The following UGT1A7 variants were observed in gnomAD, a reference collection of about 807,000 sequenced individuals.
UGT1A7 encodes the protein UDP glucuronosyltransferase family 1 member A7.
UGT1A7 carries 33 observed loss-of-function variants against 45.6 expected under a neutral mutation model. That is an observed-to-expected ratio of 0.72 (90% confidence interval 0.55 to 0.97). The LOEUF (loss-of-function observed/expected upper bound fraction) is 0.97. Among genes scored for constraint, UGT1A7 ranks in the 50% least tolerant of loss-of-function variants. UGT1A7 has a pLI of 0.00. For synonymous variants in UGT1A7, 274 were observed against 250.6 expected (o/e 1.09, Z -0.88); for missense variants, 684 against 666.2 (o/e 1.03, Z -0.29).
intron 1 of UGT1A7, among the ~76,000 whole-genome samples, chr2:233,714,482 T>C (rs1196810093): frequency 6.6e-6 from 1 of 152,180 alleles, no homozygotes; most frequent in African/African-American, 2.4e-5. Flanking sequence ...AGAATGTTTC[T>C]TGTGAAGACA....
At chr2:233,689,448 G>A (rs2074943305) in intron 1 of UGT1A7, among the ~76,000 whole-genome samples, 1 of 152,146 alleles carries the variant, frequency 6.6e-6, no homozygotes, top group Non-Finnish European at 1.5e-5. Context: ...TAAGAGCAAG[G>A]ATACATTTTA....
Position 233,724,752 on chromosome 2 carries a change from C to T in UGT1A7, c.855+41960C>T, listed in dbSNP as rs545669110. On this transcript the variant is annotated intron_variant, in intron 1 of 4. Coordinates refer to ENST00000373426, the MANE Select transcript of UGT1A7 (RefSeq NM_019077.3). The stretch of plus-strand genomic sequence containing the variant: ...GCAGAGGGGCTCCTCACATCCCAGA[C>T]GATGGGCGGCCAGGCAGAGACACTC... 4.9e-4 allele frequency among the ~76,000 whole-genome samples: 69 copies of T among 142,122 alleles called. 9 individuals carry two copies. In the East Asian group the frequency reaches 0.011, roughly 22 times the overall value. The allele number at this position is 142,122 out of a possible 152,430, so 93.2% of individuals were successfully genotyped here. A position where few individuals can be genotyped will look rare whatever the true frequency, so the allele number is the denominator to read the frequency against.
intron 1 of UGT1A7, chr2:233,754,156 G>C (rs1695408372): frequency 6.5e-6 from 1 of 153,422 alleles, no homozygotes; most frequent in African/African-American, 2.4e-5. Flanking sequence ...AATTAAGCCA[G>C]AGTATTAATA....
At chr2:233,751,729 C>G (rs1442411823) in intron 1 of UGT1A7, among the ~76,000 whole-genome samples, 1 of 152,154 alleles carries the variant, frequency 6.6e-6, no homozygotes, top group South Asian at 2.1e-4. Flanking sequence ...TGAACTCTTC[C>G]TCTCTGTTTC....
intron 1 of UGT1A7, among the ~76,000 whole-genome samples, chr2:233,762,717 G>GTT (rs34681509): frequency 7.1e-6 from 1 of 141,156 alleles, no homozygotes; most frequent in African/African-American, 2.6e-5. Context: ...ATTTTACACG[G>GTT]TTTTTTTTTT....
At chr2:233,757,646 G>T (rs1696690182) in intron 1 of UGT1A7, among the ~76,000 whole-genome samples, 1 of 150,442 alleles carries the variant, frequency 6.6e-6, no homozygotes, top group South Asian at 2.1e-4. Context: ...ACAAAATGCT[G>T]TTTTTCTGGG....
At chr2:233,711,438 G>C (rs1384309614) in intron 1 of UGT1A7, among the ~76,000 whole-genome samples, 1 of 152,216 alleles carries the variant, frequency 6.6e-6, no homozygotes, top group Non-Finnish European at 1.5e-5. Context: ...GATGCATACA[G>C]TTTTAAGGGG....
In UGT1A7 at chr2:233,772,937, T is replaced by C; in HGVS notation, c.*378T>C. 1 of 341,386 alleles carries C rather than the reference T, an allele frequency of 2.9e-6. No homozygotes were observed. The highest frequency in any genetic ancestry group is 5.4e-6 in the Non-Finnish European group (1 of 186,324). 21.1% of individuals were successfully genotyped at this position (341,386 alleles called of 1,614,324 possible). A position where few individuals can be genotyped will look rare whatever the true frequency, so the allele number is the denominator to read the frequency against. ...CAAATGGCAGTTTTAATCTTATCTT[T>C]TGGCTTCTGCAGATGGTTGCAATTG... On this transcript the variant is annotated 3_prime_UTR_variant, in exon 5 of 5. Coordinates refer to ENST00000373426, the MANE Select transcript of UGT1A7 (RefSeq NM_019077.3).
intron 1 of UGT1A7, chr2:233,755,414 G>T (rs11673726): frequency 0.36 from 117,303 of 321,602 alleles, 22,184 homozygotes; most frequent in African/African-American, 0.41. Context: ...GCCGAGGCCT[G>T]TGAGCGCCTC....
At chr2:233,761,970 T>C (rs1029002470) in intron 1 of UGT1A7, among the ~76,000 whole-genome samples, 6 of 152,224 alleles carry the variant, frequency 3.9e-5, no homozygotes, top group Non-Finnish European at 8.8e-5. Context: ...GGGACTGATA[T>C]CACCTTCGGA....
intron 1 of UGT1A7, chr2:233,761,148 C>G: frequency 6.2e-7 from 1 of 1,614,128 alleles, no homozygotes; most frequent in South Asian, 1.1e-5. Flanking sequence ...ATCCACTATC[C>G]CAGGTGTGTA....
In UGT1A7 at chr2:233,682,102, G is replaced by A. The variant is rs530813077; in HGVS notation, c.165G>A (p.Val55=). The change falls in exon 1 of 5, where the codon GTG becomes GTA. Residue 55 remains valine (V), a synonymous_variant. Coordinates refer to ENST00000373426, the MANE Select transcript of UGT1A7 (RefSeq NM_019077.3). ...VEKLILRGHE[V]VVVMPEVSWQ... ...AACTCATCCTCAGGGGGCATGAGGTGGTCGTAGTCATGCCAGAGGTGAGTT... is the reference window on the plus strand; with the variant it reads ...AACTCATCCTCAGGGGGCATGAGGTAGTCGTAGTCATGCCAGAGGTGAGTT... 6.2e-7 allele frequency: 1 copy of A among 1,614,164 alleles called. No individual in the cohort carries two copies. The highest frequency in any genetic ancestry group is 8.5e-7 in the Non-Finnish European group (1 of 1,180,014).
rs927700420 is a variant in UGT1A7, at chr2:233,691,672, T to A, written c.855+8880T>A. On this transcript the variant is annotated intron_variant, in intron 1 of 4. Coordinates refer to ENST00000373426, the MANE Select transcript of UGT1A7 (RefSeq NM_019077.3). ...GTGACCCTCCCTTTCTGGGCCTCAG[T>A]TGAGAAACCTGAAGCTCAGGAGAGG... 3.1e-6 allele frequency: 3 copies of A among 974,090 alleles called. No individual in the cohort carries two copies. In the South Asian group the frequency reaches 1.5e-4, roughly 47 times the overall value. The allele number at this position is 974,090 out of a possible 1,614,324, so 60.3% of individuals were successfully genotyped here. A position where few individuals can be genotyped will look rare whatever the true frequency, so the allele number is the denominator to read the frequency against.
At chr2:233,745,794 G>T (rs1343106553) in intron 1 of UGT1A7, among the ~76,000 whole-genome samples, 1 of 150,980 alleles carries the variant, frequency 6.6e-6, no homozygotes, top group Non-Finnish European at 1.5e-5. Context: ...GGGGGCTGGG[G>T]TCTATCCCAG....
intron 1 of UGT1A7, among the ~76,000 whole-genome samples, chr2:233,719,871 A>G (rs2076809902): frequency 6.6e-6 from 1 of 152,230 alleles, no homozygotes; most frequent in African/African-American, 2.4e-5. Context: ...TGAGAGGAAG[A>G]AGAGGCACGG....
intron 1 of UGT1A7, among the ~76,000 whole-genome samples, chr2:233,714,807 A>G (rs1400219342): frequency 6.6e-6 from 1 of 152,236 alleles, no homozygotes; most frequent in Non-Finnish European, 1.5e-5. Context: ...CAATATTCAT[A>G]TGTAGTTAGT....
At position 233,681,987 on chromosome 2, in the gene UGT1A7, T is replaced by G. The variant is rs2074548749; in HGVS notation, c.50T>G (p.Leu17Arg). The G allele has an allele frequency of 6.8e-6, 11 of 1,614,188 alleles. No homozygotes were observed. Among genetic ancestry groups the G allele is most frequent in the Middle Eastern group, 1.7e-4 (1 of 6,058 alleles). ...TGLLPLYVCL[L>R]LTCGFAKAGK... ...CTCCTTCCCCTATATGTGTGTCTAC[T>G]GCTGACCTGTGGCTTTGCCAAGGCA... Residue 17 changes from leucine to arginine, a missense_variant, in exon 1 of 5, where the codon CTG becomes CGG. Transcript: ENST00000373426.
intron 1 of UGT1A7, among the ~76,000 whole-genome samples, chr2:233,741,179 T>C (rs1691582575): frequency 6.6e-6 from 1 of 151,930 alleles, no homozygotes; most frequent in Non-Finnish European, 1.5e-5. Flanking sequence ...AAACTGAACT[T>C]GTGTTTGCTT....
chr2:233,754,057 T>C (rs1403033410), intron 1 of UGT1A7, among the ~76,000 whole-genome samples: 1 of 152,246 alleles, frequency 6.6e-6, no homozygotes, highest in Admixed American at 6.5e-5. Flanking sequence ...TTACCTGCTT[T>C]TATAAAGCCT....
Sources: gnomAD v4.1 joint callset for allele counts (sites outside exome capture counted in the v4.1 genomes callset) on GRCh38, gnomAD v4.1.1 for gene constraint, MANE v1.5 for transcripts, NCBI Gene and HGNC (gene_info 2026-07-23, HGNC 2026-07-21) for gene names.